The following WDR48 variants were observed in gnomAD, a reference collection of about 807,000 sequenced individuals.
WDR48 encodes WD repeat-containing protein 48.
A neutral mutation model predicts 94.0 loss-of-function variants in WDR48; 22 were observed. The observed-to-expected ratio is 0.23, with a 90% CI of 0.17 to 0.33. WDR48 has a LOEUF of 0.33. Among genes scored for constraint, WDR48 ranks in the 10% least tolerant of loss-of-function variants. The pLI, the probability that WDR48 is intolerant of heterozygous loss-of-function variation, is 1.00. For synonymous variants in WDR48, 278 were observed against 280.5 expected, an observed-to-expected ratio of 0.99 and a Z score of 0.09; for missense variants, 541 against 813.8, an observed-to-expected ratio of 0.66 and a Z score of 4.08.
intron 11 of WDR48, 111 bp from the exon 12 acceptor site, chr3:39,084,044 G>T: frequency 1.5e-6 from 1 of 655,246 alleles, no homozygotes; most frequent in Non-Finnish European, 2.4e-6. Flanking sequence ...ATGTATTTTA[G>T]ACTGTTTCAC....
chr3:39,075,425 A>G lies in WDR48; in HGVS notation c.897+475A>G, dbSNP rs375280534. On this transcript the variant is annotated intron_variant, in intron 8 of 18. Coordinates refer to ENST00000302313, the MANE Select transcript of WDR48 (RefSeq NM_020839.4). ...CAGAGGAAGGTCAGGAAATGTGTCC[A>G]TGGTTTCAGGAGTAAGGAAGTGGAA... Among the ~76,000 whole-genome samples the G allele has an allele frequency of 2.4e-3, 362 of 152,170 alleles. 1 individual carries two copies. Among genetic ancestry groups the G allele is most frequent in the African/African-American group, 8.5e-3 (351 of 41,534 alleles).
intron 1 of WDR48, among the ~76,000 whole-genome samples, chr3:39,060,163 T>A (rs2033161843): frequency 6.6e-6 from 1 of 152,150 alleles, no homozygotes; most frequent in South Asian, 2.1e-4. Context: ...GGAAAGTTGT[T>A]TATTGGTCAC....
rs551214618 is a variant in WDR48 at position 39,078,797 on chromosome 3, A to G, written c.1075+558A>G. ...TGTAATCCCAGCACTTTGGGAGGCC[A>G]AGGCGGGCGGATCACGAGGTCAGGA... is the stretch of plus-strand genomic sequence containing the variant. On this transcript the variant is annotated intron_variant, in intron 10 of 18. Transcript: ENST00000302313. Among the ~76,000 whole-genome samples the G allele has an allele frequency of 4.5e-3, 676 of 149,408 alleles. 2 individuals carry two copies. Among genetic ancestry groups the G allele is most frequent in the Non-Finnish European group, 7.6e-3 (507 of 67,008 alleles).
chr3:39,084,896 T>A (rs567857839), intron 13 of WDR48, among the ~76,000 whole-genome samples, 155 bp downstream of exon 13: 37 of 152,328 alleles, frequency 2.4e-4, no homozygotes, highest in African/African-American at 8.7e-4. Context: ...TGTATACAAA[T>A]CATTTTAGTA....
At chr3:39,092,906 C>CACACACA (rs1340352588) in intron 17 of WDR48, among the ~76,000 whole-genome samples, 6 of 151,798 alleles carry the variant, frequency 4.0e-5, no homozygotes, top group African/African-American at 9.7e-5. Context: ...CACACACACA[C>CACACACA]AATTATTTTA....
chr3:39,077,084 G>GCAGTT, intron 8 of WDR48, 55 bp from the exon 9 acceptor site: 1 of 1,590,994 alleles, frequency 6.3e-7, no homozygotes, highest in Non-Finnish European at 8.6e-7. Flanking sequence ...TCTAGTCCTG[G>GCAGTT]CAGTTCAGAA....
rs187034357 is a variant in WDR48 at position 39,088,704 on chromosome 3, C to A, written c.1580+471C>A. On this transcript the variant is annotated intron_variant, in intron 15 of 18. Transcript: ENST00000302313. Reference sequence around the variant, plus strand: ...GGGTGCCAGACAGTTATGTGTGGGGCCCTTCAGGGAAGGGCTGGACTGGTT... The same window carrying A: ...GGGTGCCAGACAGTTATGTGTGGGGACCTTCAGGGAAGGGCTGGACTGGTT... Among the ~76,000 whole-genome samples, 4 of 152,178 alleles carry A rather than the reference C, an allele frequency of 2.6e-5. No homozygotes were observed. The East Asian group carries it at 7.7e-4, about 29-fold the overall frequency.
chr3:39,066,627 T>A lies in WDR48; in HGVS notation c.348T>A (p.His116Gln). The A allele has an allele frequency of 6.2e-7, 1 of 1,613,828 alleles. No individual in the cohort carries two copies. The highest frequency in any genetic ancestry group is 8.5e-7 in the Non-Finnish European group (1 of 1,179,840). The change falls in exon 4 of 19, where the codon CAT becomes CAA. Residue 116 changes from histidine to glutamine, a missense_variant. Around this residue, in one of 5 missense-constraint regions of WDR48, gnomAD observed 104 missense variants for 189.7 expected, o/e 0.55. Transcript: ENST00000302313. ...KGFCMSTLRT[H>Q]KDYVKALAYA... ...TTTGCATGTCAACATTAAGGACACA[T>A]AAGGTAAAACAATACAGTTCTCAGT... is the stretch of plus-strand genomic sequence containing the variant.
At chr3:39,070,913 A>G (rs767348689) in intron 7 of WDR48, among the ~76,000 whole-genome samples, 17 of 151,920 alleles carry the variant, frequency 1.1e-4, no homozygotes, top group East Asian at 7.7e-4. Context: ...GTTCCCACCT[A>G]TGAGTGAGAA....
chr3:39,064,904 G>C (rs573479972), intron 2 of WDR48, among the ~76,000 whole-genome samples: 2 of 152,264 alleles, frequency 1.3e-5, no homozygotes, highest in South Asian at 4.1e-4. Flanking sequence ...AATTGAATTG[G>C]AATGTCTCCT....
chr3:39,091,736 T>C, intron 17 of WDR48, 35 bp downstream of exon 17: 3 of 1,489,998 alleles, frequency 2.0e-6, no homozygotes, highest in Non-Finnish European at 2.7e-6. Context: ...TCTAATTAAC[T>C]ACTAGAGAGA....
intron 16 of WDR48, chr3:39,090,359 C>T (rs2035017943): frequency 6.6e-6 from 1 of 151,940 alleles, no homozygotes; most frequent in African/African-American, 2.4e-5. Context: ...GAATATTAAC[C>T]CTTTAACTAT....
At chr3:39,052,111 C>T (rs767291200) in intron 1 of WDR48, 38 bp downstream of exon 1, 12 of 1,611,504 alleles carry the variant, frequency 7.4e-6, no homozygotes, top group Admixed American at 3.3e-5. Context: ...CGGACGCGGC[C>T]GGCAGCTCCG....
chr3:39,076,307 G>A (rs2034221544), intron 8 of WDR48, among the ~76,000 whole-genome samples: 1 of 152,212 alleles, frequency 6.6e-6, no homozygotes, highest in African/African-American at 2.4e-5. Context: ...AGTCAGAGCT[G>A]AATTAATAAT....
At chr3:39,091,818 T>G (rs78017613) in intron 17 of WDR48, 117 bp downstream of exon 17, 24,903 of 906,808 alleles carry the variant, frequency 0.027, 503 homozygotes, top group South Asian at 0.063. Flanking sequence ...TTTATAATAT[T>G]CAAAGTTTAT....
At chr3:39,062,561 G>A (rs946908680) in intron 1 of WDR48, among the ~76,000 whole-genome samples, 5 of 152,188 alleles carry the variant, frequency 3.3e-5, no homozygotes, top group East Asian at 1.9e-4. Context: ...CAGACAGGTC[G>A]GAGGAAGAGC....
chr3:39,066,882 T>C lies in WDR48; in HGVS notation c.481+7T>C, dbSNP rs1216318599. 17 of 1,605,642 alleles carry C rather than the reference T, an allele frequency of 1.1e-5. No individual in the cohort carries two copies. The highest frequency in any genetic ancestry group is 1.4e-5 in the Non-Finnish European group (16 of 1,177,460). On this transcript the variant is annotated splice_region_variant and intron_variant, in intron 5 of 18. Coordinates refer to ENST00000302313, the MANE Select transcript of WDR48 (RefSeq NM_020839.4). Reference sequence around the variant, plus strand: ...TCAAATAACACTGTCACAAGTAAGGTGTTTAAAAGAAACTTCTTTGAAAGT... The same window carrying C: ...TCAAATAACACTGTCACAAGTAAGGCGTTTAAAAGAAACTTCTTTGAAAGT...
rs371999131 is a variant in WDR48, at chr3:39,068,787, A to G, written c.498A>G (p.Gly166=). ...CCTCAATAGCTTCTTCTTTAAGTGG[A>G]AACAAAGATTCCATTTATAGCCTGG... ...NNTVTTSSLS[G]NKDSIYSLAM... is the part of the protein sequence containing the mutation. The change falls in exon 6 of 19, where the codon GGA becomes GGG. Residue 166 remains glycine (G), a synonymous_variant. Transcript: ENST00000302313. The G allele has an allele frequency of 1.2e-6, 2 of 1,602,834 alleles. No homozygotes were observed. The highest frequency in any genetic ancestry group is 1.7e-6 in the Non-Finnish European group (2 of 1,172,210).
chr3:39,054,282 T>C (rs988473294), intron 1 of WDR48, among the ~76,000 whole-genome samples: 1 of 152,236 alleles, frequency 6.6e-6, no homozygotes, highest in African/African-American at 2.4e-5. Flanking sequence ...TGAACATTCT[T>C]GAAATTTCAT....
Sources: gnomAD v4.1 joint callset for allele counts (sites outside exome capture counted in the v4.1 genomes callset) on GRCh38, gnomAD v4.1.1 for gene constraint, gnomAD v4.1.1 regional missense constraint, MANE v1.5 for transcripts, NCBI Gene and HGNC (gene_info 2026-07-23, HGNC 2026-07-21) for gene names.